The following THSD7A variants were observed in gnomAD, a reference collection of about 807,000 sequenced individuals.
THSD7A encodes thrombospondin type 1 domain containing 7A, also known as thrombospondin type-1 domain-containing protein 7A.
In THSD7A, 96 loss-of-function variants were observed where a neutral mutation model predicts 231.3. That is an observed-to-expected ratio of 0.41 (90% CI 0.35 to 0.49). The LOEUF (loss-of-function observed/expected upper bound fraction) is 0.49. Among genes scored for constraint, THSD7A ranks in the 20% least tolerant of loss-of-function variants. The pLI is 0.05. For synonymous variants in THSD7A, 940 were observed against 743.3 expected, an observed-to-expected ratio of 1.26 and a Z score of -4.30; for missense variants, 2,290 against 2,070.2, an observed-to-expected ratio of 1.11 and a Z score of -2.06.
intron 19 of THSD7A, among the ~76,000 whole-genome samples, chr7:11,409,296 A>C (rs1273165766): frequency 1.3e-5 from 2 of 152,204 alleles, no homozygotes; most frequent in African/African-American, 4.8e-5. Context: ...GCTGTTAGGG[A>C]AGCAGCCAGT....
intron 1 of THSD7A, among the ~76,000 whole-genome samples, chr7:11,677,749 G>A (rs1200063870): frequency 6.6e-6 from 1 of 151,966 alleles, no homozygotes; most frequent in Non-Finnish European, 1.5e-5. Flanking sequence ...AATAGTGGGA[G>A]ACTTTAACAC....
Position 11,446,340 on chromosome 7 carries a change from A to T in THSD7A, c.2801-16T>A. 1 of 1,601,658 alleles carries T rather than the reference A, an allele frequency of 6.2e-7. No homozygotes were observed. Among genetic ancestry groups the T allele is most frequent in the Non-Finnish European group, 8.5e-7 (1 of 1,172,740 alleles). The stretch of plus-strand genomic sequence containing the variant: ...TTACTTTTTCCTGTGGAAGAGAAAC[A>T]ATCAGGCAATTTAAGTTGGAAAATA... On this transcript the variant is annotated splice_polypyrimidine_tract_variant and intron_variant, in intron 12 of 27. Coordinates refer to ENST00000423059, the MANE Select transcript of THSD7A (RefSeq NM_015204.3). This position sits in a 1 kb window ranked among gnomAD's most constrained non-coding sequence, Gnocchi z 4.0.
intron 7 of THSD7A, among the ~76,000 whole-genome samples, chr7:11,478,013 T>C (rs999710232): frequency 2.0e-5 from 3 of 152,134 alleles, no homozygotes; most frequent in East Asian, 1.9e-4. Flanking sequence ...TACCACAGAG[T>C]GTACTAGTTT....
At chr7:11,778,156 C>CAAAAAAAAAAAAAAAAAAAAAAAAAA in intron 1 of THSD7A, among the ~76,000 whole-genome samples, 1 of 45,060 alleles carries the variant, frequency 2.2e-5, no homozygotes, top group Non-Finnish European at 4.4e-5. Flanking sequence ...GACTCCGTCT[C>CAAAAAAAAAAAAAAAAAAAAAAAAAA]AAAAAAAAAA....
At chr7:11,543,493 A>G (rs1419240192) in intron 4 of THSD7A, among the ~76,000 whole-genome samples, 2 of 152,214 alleles carry the variant, frequency 1.3e-5, no homozygotes, top group Non-Finnish European at 2.9e-5. Flanking sequence ...CTGAACAAAA[A>G]TAGGAGGGGG....
At chr7:11,437,518 A>T (rs986965322) in intron 13 of THSD7A, among the ~76,000 whole-genome samples, 8 of 152,064 alleles carry the variant, frequency 5.3e-5, no homozygotes, top group African/African-American at 1.7e-4. Flanking sequence ...AAAAGATTCC[A>T]GTTGTGAATG....
intron 6 of THSD7A, among the ~76,000 whole-genome samples, chr7:11,503,779 G>C (rs978803792): frequency 6.6e-6 from 1 of 152,142 alleles, no homozygotes; most frequent in South Asian, 2.1e-4. Context: ...ACACCAGTCA[G>C]AATGACTATT....
intron 6 of THSD7A, among the ~76,000 whole-genome samples, chr7:11,517,754 G>T (rs775038013): frequency 6.6e-6 from 1 of 152,186 alleles, no homozygotes; most frequent in South Asian, 2.1e-4. Context: ...TTATTTTTCT[G>T]ATCCCTTATG....
chr7:11,608,891 C>T (rs1363870816), intron 2 of THSD7A, among the ~76,000 whole-genome samples: 1 of 152,116 alleles, frequency 6.6e-6, no homozygotes, highest in African/African-American at 2.4e-5. Context: ...TCCTATTTCT[C>T]CCGATTCTTC....
intron 1 of THSD7A, among the ~76,000 whole-genome samples, chr7:11,803,462 A>T (rs1463413830): frequency 6.6e-6 from 1 of 152,116 alleles, no homozygotes; most frequent in Non-Finnish European, 1.5e-5. Context: ...GACTCTCCAC[A>T]ATTAGTAGAA....
chr7:11,790,136 G>A (rs1218485410), intron 1 of THSD7A, among the ~76,000 whole-genome samples: 1 of 151,894 alleles, frequency 6.6e-6, no homozygotes, highest in Non-Finnish European at 1.5e-5. Context: ...AAAAATCAGA[G>A]TTAAAAGCAC....
intron 1 of THSD7A, among the ~76,000 whole-genome samples, chr7:11,699,506 A>G (rs937113524): frequency 6.6e-6 from 1 of 151,276 alleles, no homozygotes; most frequent in Non-Finnish European, 1.5e-5. Context: ...ATTTTATGAC[A>G]ACTAAATGCT....
chr7:11,458,203 T>A (rs1218552465), intron 11 of THSD7A, among the ~76,000 whole-genome samples: 1 of 152,136 alleles, frequency 6.6e-6, no homozygotes, highest in Non-Finnish European at 1.5e-5. Context: ...ATTTTTTTAT[T>A]TAAGTCTCTG....
intron 1 of THSD7A, among the ~76,000 whole-genome samples, chr7:11,757,265 T>A (rs1782714922): frequency 6.6e-6 from 1 of 152,078 alleles, no homozygotes; most frequent in Non-Finnish European, 1.5e-5. Flanking sequence ...TCTATTTTCA[T>A]GTTTAACCAT....
intron 1 of THSD7A, among the ~76,000 whole-genome samples, chr7:11,743,174 A>G (rs553508686): frequency 1.7e-4 from 26 of 152,004 alleles, no homozygotes; most frequent in African/African-American, 6.0e-4. Context: ...CAATTATTTT[A>G]TGGCCCTAAT....
rs550086119 is a variant in THSD7A, at chr7:11,600,759, G to A, written c.1023-7257C>T. On this transcript the variant is annotated intron_variant, in intron 2 of 27. Coordinates refer to ENST00000423059, the MANE Select transcript of THSD7A (RefSeq NM_015204.3). ...TTTAACTGTGGTAATCAACCATAGAGATGCTGGTCCATTTTAATGCAACAA... is the reference window on the plus strand; with the variant it reads ...TTTAACTGTGGTAATCAACCATAGAAATGCTGGTCCATTTTAATGCAACAA... 3.3e-5 allele frequency among the ~76,000 whole-genome samples: 5 copies of A among 152,298 alleles called. No homozygotes were observed. The East Asian group carries it at 9.7e-4, about 29-fold the overall frequency.
chr7:11,821,091 G>A (rs1784860196), intron 1 of THSD7A: 14 of 1,013,042 alleles, frequency 1.4e-5, no homozygotes, highest in Non-Finnish European at 2.0e-5. Context: ...AATGTCTATT[G>A]TCCTGTAACT....
At chr7:11,730,241 T>C (rs1167368621) in intron 1 of THSD7A, among the ~76,000 whole-genome samples, 1 of 151,668 alleles carries the variant, frequency 6.6e-6, no homozygotes, top group Non-Finnish European at 1.5e-5. Context: ...AAATGAAGCA[T>C]ATTTTTAGAA....
intron 6 of THSD7A, among the ~76,000 whole-genome samples, chr7:11,535,988 CT>C (rs1324528499): frequency 1.3e-5 from 2 of 152,274 alleles, no homozygotes; most frequent in African/African-American, 4.8e-5. Context: ...AGGTACTCCC[CT>C]GATAGAAAGG....
Sources: gnomAD v4.1 joint callset for allele counts (sites outside exome capture counted in the v4.1 genomes callset) on GRCh38, gnomAD v4.1.1 for gene constraint, Gnocchi (gnomAD v3.1) non-coding constraint, MANE v1.5 for transcripts, NCBI Gene and HGNC (gene_info 2026-07-23, HGNC 2026-07-21) for gene names.